Variants in RASEF observed in about 807,000 individuals in gnomAD.
The protein encoded by RASEF is RAS and EF-hand domain containing.
A neutral mutation model predicts 90.1 loss-of-function variants in RASEF; 68 were observed. That is an observed-to-expected ratio of 0.75 (90% CI 0.62 to 0.92). The LOEUF (loss-of-function observed/expected upper bound fraction) is 0.92. RASEF is among the 40% of genes least tolerant of loss of function. The pLI is 0.00. For missense variants in RASEF, 949 were observed against 937.2 expected (o/e 1.01, Z -0.16); for synonymous variants, 331 against 345.2 (o/e 0.96, Z 0.46).
Position 83,032,075 on chromosome 9 carries a change from T to C in RASEF, c.432-6154A>G, listed in dbSNP as rs146820517. On this transcript the variant is annotated intron_variant, in intron 1 of 16. Coordinates refer to ENST00000376447, the MANE Select transcript of RASEF (RefSeq NM_152573.4). ...TAAGATTTATATTCTGTGCCTCTCC[T>C]GGGCAGCTAAATACCTGTGGATTTC... Among the ~76,000 whole-genome samples, 560 of 152,326 alleles carry C rather than the reference T, an allele frequency of 3.7e-3. 5 individuals are homozygous for C. Among genetic ancestry groups the C allele is most frequent in the Admixed American group, 0.021 (323 of 15,296 alleles).
At chr9:82,984,335 C>A (rs1828672513) in intron 16 of RASEF, among the ~76,000 whole-genome samples, 1 of 152,116 alleles carries the variant, frequency 6.6e-6, no homozygotes, top group African/African-American at 2.4e-5. Context: ...CACATCTGAA[C>A]TGGATTAGCC....
chr9:83,056,460 T>C (rs1357377326), intron 1 of RASEF, among the ~76,000 whole-genome samples: 1 of 152,172 alleles, frequency 6.6e-6, no homozygotes, highest in African/African-American at 2.4e-5. Context: ...AAGTGATACA[T>C]GAAGCAAGAA....
chr9:83,055,949 GT>G (rs2117888751), intron 1 of RASEF, among the ~76,000 whole-genome samples: 1 of 152,286 alleles, frequency 6.6e-6, no homozygotes, highest in African/African-American at 2.4e-5. Context: ...TCCTTCAGGT[GT>G]TAGAAACTCC....
the RASEF span, among the ~76,000 whole-genome samples, chr9:83,166,316 C>T: frequency 6.6e-6 from 1 of 152,092 alleles, no homozygotes; most frequent in East Asian, 1.9e-4. Flanking sequence ...TACACTACAA[C>T]CAAGTGGAAT....
chr9:83,022,250 A>T (rs1452579945), intron 3 of RASEF, 86 bp downstream of exon 3: 2 of 980,648 alleles, frequency 2.0e-6, no homozygotes, highest in Non-Finnish European at 3.3e-6. Context: ...GTACCCCTGC[A>T]TGACACCCAG....
Position 83,038,384 on chromosome 9 carries a change from T to C in RASEF, c.432-12463A>G, listed in dbSNP as rs539286939. On this transcript the variant is annotated intron_variant, in intron 1 of 16. Coordinates refer to ENST00000376447, the MANE Select transcript of RASEF (RefSeq NM_152573.4). The stretch of plus-strand genomic sequence containing the variant: ...TCTTCTTAATTAAAAAATTATGATC[T>C]ACACAGAAGAGTCAACTGCTGATGT... Among the ~76,000 whole-genome samples, 29 of 152,246 alleles carry C rather than the reference T, an allele frequency of 1.9e-4. No homozygotes were observed. The South Asian group carries it at 5.8e-3, about 30-fold the overall frequency.
intron 7 of RASEF, 133 bp from the exon 8 acceptor site, chr9:83,005,633 T>C: frequency 1.4e-6 from 1 of 694,420 alleles, no homozygotes; most frequent in Non-Finnish European, 2.5e-6. Flanking sequence ...TTCCACCACT[T>C]CCCTTCAAAC....
chr9:83,062,284 T>G (rs1243786785), intron 1 of RASEF, among the ~76,000 whole-genome samples, 153 bp downstream of exon 1: 1 of 151,712 alleles, frequency 6.6e-6, no homozygotes, highest in South Asian at 2.1e-4. Context: ...CTAGCGGATC[T>G]TGGAAAAGTC....
chr9:82,986,370 T>C (rs71498479), intron 16 of RASEF, among the ~76,000 whole-genome samples: 1 of 152,252 alleles, frequency 6.6e-6, no homozygotes. Flanking sequence ...TCATATATTG[T>C]CATGTTCTTT....
the RASEF span, among the ~76,000 whole-genome samples, chr9:83,144,270 C>A: frequency 1.4e-5 from 2 of 144,640 alleles, no homozygotes; most frequent in African/African-American, 5.1e-5. Flanking sequence ...TGTAACAAAT[C>A]TGCACATATA....
At chr9:83,176,578 T>G in the RASEF span, among the ~76,000 whole-genome samples, 1 of 152,126 alleles carries the variant, frequency 6.6e-6, no homozygotes, top group Non-Finnish European at 1.5e-5. Flanking sequence ...AAGTAACATT[T>G]TAATTCCTTC....
At chr9:83,201,020 AACAGAG>A in the RASEF span, 6 of 152,230 alleles carry the variant, frequency 3.9e-5, no homozygotes, top group Non-Finnish European at 8.8e-5. Flanking sequence ...CAAAGGATCT[AACAGAG>A]AAATGCAGCT....
chr9:83,146,697 C>CCCTT, the RASEF span, among the ~76,000 whole-genome samples: 1 of 152,146 alleles, frequency 6.6e-6, no homozygotes, highest in Non-Finnish European at 1.5e-5. Flanking sequence ...GAACTTAACA[C>CCCTT]CCTTCTGTTT....
At chr9:83,178,112 T>C in the RASEF span, among the ~76,000 whole-genome samples, 1 of 152,210 alleles carries the variant, frequency 6.6e-6, no homozygotes, top group Non-Finnish European at 1.5e-5. Context: ...CCGGCAATTA[T>C]TTTTCAATAG....
the RASEF span, among the ~76,000 whole-genome samples, chr9:83,091,898 G>A: frequency 6.6e-6 from 1 of 151,916 alleles, no homozygotes; most frequent in Admixed American, 6.6e-5. Flanking sequence ...CCACTGAGCT[G>A]GGGAGGGAGA....
chr9:82,993,093 A>G (rs1218419178), intron 14 of RASEF, 68 bp from the exon 15 acceptor site: 7 of 1,513,640 alleles, frequency 4.6e-6, no homozygotes, highest in Non-Finnish European at 4.5e-6. Flanking sequence ...CCACAGAACA[A>G]CAGCAACAGC....
In RASEF at chr9:83,015,884, T is replaced by A. The variant is rs765553596; in HGVS notation, c.686A>T (p.Glu229Val). The A allele has an allele frequency of 6.2e-6, 10 of 1,613,508 alleles. No individual in the cohort carries two copies. The East Asian group carries it at 1.8e-4, about 29-fold the overall frequency. The change falls in exon 4 of 17, where the codon GAG becomes GTG. Residue 229 changes from glutamate to valine, a missense_variant. Physicochemically the swap from Glu to Val is moderately radical, Grantham distance 121. Transcript: ENST00000376447. ...ACGTCTGAGGTCACTGAGGGCTTCC[T>A]CAGCTTTGCGTTTTTCCTAAAAGAA... ...KTRKDEKRKAEEALSDLRRQY... is the reference protein window; with the variant it reads ...KTRKDEKRKAVEALSDLRRQY...
chr9:83,141,829 G>C, the RASEF span, among the ~76,000 whole-genome samples: 1 of 152,184 alleles, frequency 6.6e-6, no homozygotes, highest in South Asian at 2.1e-4. Context: ...TTCCTGGCTT[G>C]GGCTTGCATA....
the RASEF span, among the ~76,000 whole-genome samples, chr9:83,109,101 T>C: frequency 1.3e-5 from 2 of 151,770 alleles, no homozygotes; most frequent in African/African-American, 2.4e-5. Context: ...AGTCTCAATA[T>C]AGAAGAAGTA....
Sources: allele counts gnomAD v4.1 joint callset (sites outside exome capture counted in the v4.1 genomes callset), GRCh38; gene constraint gnomAD v4.1.1; transcripts MANE v1.5; gene names NCBI Gene and HGNC (gene_info 2026-07-23, HGNC 2026-07-21).